The following IPO7 variants were observed in gnomAD, a reference collection of about 807,000 sequenced individuals.
The protein encoded by IPO7 is importin-7.
Under a neutral mutation model 136.4 loss-of-function variants are expected in IPO7, and 13 were observed. The observed-to-expected ratio is 0.10, with a 90% confidence interval of 0.06 to 0.15. IPO7 has a LOEUF of 0.15. Among genes scored for constraint, IPO7 ranks in the 10% least tolerant of loss-of-function variants. The probability of loss-of-function intolerance (pLI) is 1.00; values close to 1 mark genes in which losing one functional copy is unlikely to be tolerated. For synonymous variants in IPO7, 403 were observed against 404.4 expected (o/e 1.00, Z 0.04); for missense variants, 857 against 1,240.6 (o/e 0.69, Z 4.65).
At chr11:9,423,312 A>C (rs1855159850) in intron 9 of IPO7, among the ~76,000 whole-genome samples, 172 bp downstream of exon 9, 1 of 152,208 alleles carries the variant, frequency 6.6e-6, no homozygotes, top group South Asian at 2.1e-4. Flanking sequence ...TAAAGTTATG[A>C]GAGGTATCTT....
intron 12 of IPO7, 47 bp from the exon 13 acceptor site, chr11:9,428,493 G>T: frequency 1.0e-5 from 8 of 772,584 alleles, no homozygotes; most frequent in South Asian, 1.8e-5. Flanking sequence ...AAATTGAGAT[G>T]ATTATATTTG....
intron 23 of IPO7, among the ~76,000 whole-genome samples, chr11:9,441,621 A>G (rs1352140597): frequency 2.0e-5 from 3 of 152,216 alleles, no homozygotes; most frequent in Non-Finnish European, 4.4e-5. Flanking sequence ...TGAGGTGCCA[A>G]ACTTGTTGTT....
At chr11:9,429,585 C>T (rs1855263768) in intron 14 of IPO7, 89 bp from the exon 15 acceptor site, 2 of 1,054,524 alleles carry the variant, frequency 1.9e-6, no homozygotes, top group African/African-American at 1.7e-5. Flanking sequence ...TGTGAAAGTA[C>T]TTTTTTAAAA....
At chr11:9,395,184 G>A (rs990582485) in intron 1 of IPO7, among the ~76,000 whole-genome samples, 50 of 152,002 alleles carry the variant, frequency 3.3e-4, no homozygotes, top group African/African-American at 1.1e-3. Flanking sequence ...AATTTTAAAG[G>A]GTTTTTGTGA....
At chr11:9,385,303 C>T (rs1854536871) in intron 1 of IPO7, among the ~76,000 whole-genome samples, 2 of 152,180 alleles carry the variant, frequency 1.3e-5, no homozygotes, top group Non-Finnish European at 2.9e-5. Context: ...GGGGGCTGCG[C>T]CTGTCATCCT....
At chr11:9,390,745 T>A (rs552632671) in intron 1 of IPO7, among the ~76,000 whole-genome samples, 18 of 87,830 alleles carry the variant, frequency 2.0e-4, no homozygotes, top group Non-Finnish European at 4.2e-4. Flanking sequence ...CGTCCAGGAG[T>A]TTGAGACCAG....
intron 1 of IPO7, among the ~76,000 whole-genome samples, chr11:9,398,841 A>T (rs984677922): frequency 1.3e-5 from 2 of 152,180 alleles, no homozygotes; most frequent in East Asian, 3.8e-4. Flanking sequence ...AGTTCTATCT[A>T]GCTGTGATTT....
At chr11:9,426,044 G>GT in intron 12 of IPO7, among the ~76,000 whole-genome samples, 1 of 151,606 alleles carries the variant, frequency 6.6e-6, no homozygotes, top group East Asian at 1.9e-4. Flanking sequence ...CAGAGACTCC[G>GT]TCTCAAAAAA....
Position 9,423,011 on chromosome 11 carries a change from A to G in IPO7, c.912A>G (p.Leu304=). The change falls in exon 9 of 25, where the codon TTA becomes TTG. Residue 304 remains leucine, a synonymous_variant. Coordinates refer to ENST00000379719, the MANE Select transcript of IPO7 (RefSeq NM_006391.3). ...ATCGAAAATTTTTTTCCAAGGTTTT[A>G]TTGAAGGTGTTATATCAGTACAAGG... ...KAFAVGVQQV[L]LKVLYQYKEK... The G allele has an allele frequency of 6.5e-7, 1 of 1,528,808 alleles. No individual in the cohort carries two copies. The allele number at this position is 1,528,808 out of a possible 1,614,324, so 94.7% of individuals were successfully genotyped here. A position where few individuals can be genotyped will look rare whatever the true frequency, so the allele number is the denominator to read the frequency against.
intron 16 of IPO7, among the ~76,000 whole-genome samples, chr11:9,431,844 G>A (rs529180290): frequency 1.3e-5 from 2 of 152,034 alleles, no homozygotes; most frequent in East Asian, 3.9e-4. Context: ...GCATGGTGGC[G>A]GGCGCCTGTA....
intron 12 of IPO7, among the ~76,000 whole-genome samples, chr11:9,426,566 A>G (rs965406519): frequency 2.6e-5 from 4 of 151,996 alleles, no homozygotes; most frequent in South Asian, 4.1e-4. Context: ...CGCAGAACCC[A>G]TTTTCCAACG....
chr11:9,416,708 G>A (rs2133744117), intron 5 of IPO7, among the ~76,000 whole-genome samples: 2 of 152,148 alleles, frequency 1.3e-5, no homozygotes, highest in Middle Eastern at 6.8e-3. Flanking sequence ...ATGGATGTCA[G>A]ATAAAGCATT....
chr11:9,396,122 G>A (rs1315877047), intron 1 of IPO7, among the ~76,000 whole-genome samples: 11 of 152,000 alleles, frequency 7.2e-5, no homozygotes, highest in African/African-American at 2.2e-4. Flanking sequence ...TGGGCCGGGC[G>A]TGGTGGCTCA....
At position 9,397,830 on chromosome 11, in the gene IPO7, A is replaced by G. The variant is rs138151792; in HGVS notation, c.85-5460A>G. 1.1e-4 allele frequency among the ~76,000 whole-genome samples: 16 copies of G among 152,162 alleles called. No homozygotes were observed. The East Asian group carries it at 3.1e-3, about 29-fold the overall frequency. ...TTGTTATGTCTTGATATTTGCTAAG[A>G]TATTTTCTGTGTTGTTTTATATACT... On this transcript the variant is annotated intron_variant, in intron 1 of 24. Coordinates refer to ENST00000379719, the MANE Select transcript of IPO7 (RefSeq NM_006391.3).
At chr11:9,419,323 G>A (rs76060921) in intron 6 of IPO7, among the ~76,000 whole-genome samples, 1 of 151,990 alleles carries the variant, frequency 6.6e-6, no homozygotes, top group African/African-American at 2.4e-5. Flanking sequence ...GCTGAGGCGG[G>A]CGGATCACGA....
intron 16 of IPO7, among the ~76,000 whole-genome samples, chr11:9,432,117 T>A (rs568646330): frequency 2.6e-5 from 4 of 152,288 alleles, no homozygotes; most frequent in African/African-American, 9.6e-5. Context: ...ATAATTCCAA[T>A]GCAGATGCTT....
rs1194469449 is a variant in IPO7 at position 9,399,387 on chromosome 11, C to G, written c.85-3903C>G. 2.0e-5 allele frequency among the ~76,000 whole-genome samples: 3 copies of G among 152,090 alleles called. No individual in the cohort carries two copies. In the East Asian group the frequency reaches 5.8e-4, roughly 29 times the overall value. ...TGTTGGTCAGGCTGGTCTTGAACTC[C>G]TGACCTCAGGTGATCCACCCGCCTC... On this transcript the variant is annotated intron_variant, in intron 1 of 24. Transcript: ENST00000379719.
chr11:9,399,913 C>T (rs1037490782), intron 1 of IPO7, among the ~76,000 whole-genome samples: 2 of 152,106 alleles, frequency 1.3e-5, no homozygotes, highest in Non-Finnish European at 2.9e-5. Context: ...AGGGGATCCT[C>T]CTTTTGATTC....
In IPO7 at chr11:9,407,080, G is replaced by A. The variant is rs71476829; in HGVS notation, c.167-1406G>A. On this transcript the variant is annotated intron_variant, in intron 2 of 24. Coordinates refer to ENST00000379719, the MANE Select transcript of IPO7 (RefSeq NM_006391.3). Reference sequence around the variant, plus strand: ...TGGGGCAAAAAATGTTTAAAATTCCGAATCACATAAGCATATATTCCATTC... The same window carrying A: ...TGGGGCAAAAAATGTTTAAAATTCCAAATCACATAAGCATATATTCCATTC... 4.7e-3 allele frequency among the ~76,000 whole-genome samples: 713 copies of A among 152,150 alleles called. 3 individuals carry two copies. The highest frequency in any genetic ancestry group is 7.0e-3 in the Non-Finnish European group (477 of 67,996).
Sources: gnomAD v4.1 joint callset for allele counts (sites outside exome capture counted in the v4.1 genomes callset) on GRCh38, gnomAD v4.1.1 for gene constraint, MANE v1.5 for transcripts, NCBI Gene and HGNC (gene_info 2026-07-23, HGNC 2026-07-21) for gene names.